Variants in TYW1B observed in about 807,000 individuals in gnomAD.
The protein encoded by TYW1B is tRNA-yW synthesizing protein 1 homolog B.
In TYW1B, 73 loss-of-function variants were observed where a neutral mutation model predicts 86.9. The observed-to-expected ratio is 0.84, with a 90% CI of 0.70 to 1.02. The LOEUF (loss-of-function observed/expected upper bound fraction) is 1.02. TYW1B is among the 50% of genes least tolerant of loss of function. TYW1B has a pLI of 0.00. For synonymous variants in TYW1B, 248 were observed against 292.8 expected (o/e 0.85, Z 1.56); for missense variants, 637 against 827.4 (o/e 0.77, Z 2.82).
At chr7:72,632,285 G>GTATATATATATATATATATATTATA (rs1239640717) in intron 11 of TYW1B, among the ~76,000 whole-genome samples, 3,713 of 83,322 alleles carry the variant, frequency 0.045, 357 homozygotes, top group African/African-American at 0.13. Context: ...ATATATACGT[G>GTATATATATATATATATATATTATA]TATATATATA....
rs370775946 is a variant in TYW1B, at chr7:72,791,901, C to T, written c.846+10499G>A. ...ATAAAAGCTTTCAGGGAGCTCTGTGCGTTTTTCTAGCAAATTATCAACCTG... is the reference window on the plus strand; with the variant it reads ...ATAAAAGCTTTCAGGGAGCTCTGTGTGTTTTTCTAGCAAATTATCAACCTG... On this transcript the variant is annotated intron_variant, in intron 6 of 13. Coordinates refer to ENST00000620995, the MANE Select transcript of TYW1B (RefSeq NM_001145440.3). Among the ~76,000 whole-genome samples the T allele has an allele frequency of 4.1e-4, 63 of 152,276 alleles. No homozygotes were observed. In the South Asian group the frequency reaches 0.013, roughly 31 times the overall value.
In TYW1B at chr7:72,631,250, C is replaced by T. The variant is rs370922479; in HGVS notation, c.1507-2253G>A. 1.6e-4 allele frequency among the ~76,000 whole-genome samples: 25 copies of T among 152,172 alleles called. 1 individual carries two copies. In the East Asian group the frequency reaches 2.7e-3, roughly 16 times the overall value. On this transcript the variant is annotated intron_variant, in intron 11 of 13. Transcript: ENST00000620995. ...TAGAGGGGCCGGACGTGGTGGCTCA[C>T]GCCTGTAATCCCAGCACTTTGGGAG... is the stretch of plus-strand genomic sequence containing the variant.
rs538911198 is a variant in TYW1B, at chr7:72,589,349, T to C, written c.1786-13630A>G. Among the ~76,000 whole-genome samples the C allele has an allele frequency of 2.6e-4, 39 of 152,244 alleles. 1 individual carries two copies. The highest frequency in any genetic ancestry group is 2.1e-4 in the Non-Finnish European group (14 of 68,004). On this transcript the variant is annotated intron_variant, in intron 13 of 13. Transcript: ENST00000620995. ...GACACTAGAAGATAATGAAATAATT[T>C]TGTGGGAAGGCAATAGAGGAATATC...
chr7:72,753,117 TA>T (rs782534936), intron 7 of TYW1B, among the ~76,000 whole-genome samples: 1,876 of 145,878 alleles, frequency 0.013, 16 homozygotes, highest in Non-Finnish European at 0.02. Flanking sequence ...CTTGGTTGAT[TA>T]AAAAAAAAAA....
intron 6 of TYW1B, among the ~76,000 whole-genome samples, chr7:72,784,457 T>C (rs1248486715): frequency 2.6e-5 from 4 of 152,186 alleles, no homozygotes; most frequent in South Asian, 2.1e-4. Flanking sequence ...ACTGTGAGGA[T>C]TGAGTGAGAT....
chr7:72,815,657 A>T (rs1186951817), intron 2 of TYW1B, among the ~76,000 whole-genome samples, 176 bp from the exon 3 acceptor site: 1 of 152,168 alleles, frequency 6.6e-6, no homozygotes, highest in Non-Finnish European at 1.5e-5. Context: ...TACCGAGATC[A>T]TTCAATTGTG....
chr7:72,759,381 C>G (rs1225119536), intron 7 of TYW1B, among the ~76,000 whole-genome samples: 2 of 152,158 alleles, frequency 1.3e-5, no homozygotes, highest in African/African-American at 4.8e-5. Flanking sequence ...TCTGAAACAA[C>G]AGTCTGAATT....
chr7:72,783,033 A>G (rs1477167442), intron 6 of TYW1B, among the ~76,000 whole-genome samples: 2 of 152,214 alleles, frequency 1.3e-5, no homozygotes, highest in African/African-American at 4.8e-5. Context: ...ACTATCAGAC[A>G]GCTATTTCTA....
intron 13 of TYW1B, among the ~76,000 whole-genome samples, chr7:72,585,390 C>T (rs1196484582): frequency 3.9e-5 from 6 of 152,176 alleles, no homozygotes; most frequent in African/African-American, 1.4e-4. Context: ...TTAGCATCAA[C>T]ATTGGAGGTG....
intron 11 of TYW1B, among the ~76,000 whole-genome samples, chr7:72,683,033 G>C (rs35047141): frequency 6.6e-6 from 1 of 152,226 alleles, no homozygotes; most frequent in Non-Finnish European, 1.5e-5. Context: ...TCAGAGCATT[G>C]TGTTGATAAC....
chr7:72,681,069 C>T (rs1318208344), intron 11 of TYW1B, among the ~76,000 whole-genome samples: 1 of 152,134 alleles, frequency 6.6e-6, no homozygotes, highest in African/African-American at 2.4e-5. Context: ...CCCCATTTCA[C>T]AGGTGAGAAA....
chr7:72,806,874 A>T (rs1164592194), intron 5 of TYW1B, among the ~76,000 whole-genome samples, 192 bp downstream of exon 5: 2 of 152,008 alleles, frequency 1.3e-5, no homozygotes, highest in Admixed American at 1.3e-4. Flanking sequence ...GCTGGTCTTG[A>T]ACTCCTGGAC....
chr7:72,575,799 C>G, intron 13 of TYW1B, 80 bp from the exon 14 acceptor site: 1 of 1,560,164 alleles, frequency 6.4e-7, no homozygotes, highest in Non-Finnish European at 8.6e-7. Context: ...AAATCATGAA[C>G]AAGTCTGATC....
intron 8 of TYW1B, among the ~76,000 whole-genome samples, chr7:72,737,787 CTT>C (rs34001923): frequency 3.6e-5 from 5 of 138,838 alleles, no homozygotes; most frequent in Admixed American, 1.5e-4. Context: ...CATTTTACTT[CTT>C]TTTTTTTTTT....
At chr7:72,735,051 T>C (rs1787174335) in intron 8 of TYW1B, among the ~76,000 whole-genome samples, 1 of 152,108 alleles carries the variant, frequency 6.6e-6, no homozygotes, top group African/African-American at 2.4e-5. Context: ...TGGAGATTCC[T>C]CAAAAAACTA....
chr7:72,766,886 C>T (rs11984335), intron 7 of TYW1B, among the ~76,000 whole-genome samples: 15,695 of 151,996 alleles, frequency 0.1, 1,271 homozygotes, highest in East Asian at 0.33. Flanking sequence ...GAGATCACAC[C>T]GCTGCACTCC....
intron 11 of TYW1B, among the ~76,000 whole-genome samples, chr7:72,664,135 C>T (rs71553261): frequency 0.06 from 9,069 of 152,086 alleles, 570 homozygotes; most frequent in East Asian, 0.33. Flanking sequence ...CCAAGATGAC[C>T]ATCTATTCTC....
At chr7:72,756,318 T>C (rs1554466079) in intron 7 of TYW1B, among the ~76,000 whole-genome samples, 1 of 151,894 alleles carries the variant, frequency 6.6e-6, no homozygotes, top group Non-Finnish European at 1.5e-5. Context: ...CACTGCAACC[T>C]CCGCCTCCCG....
intron 13 of TYW1B, among the ~76,000 whole-genome samples, chr7:72,583,716 G>A (rs1290116957): frequency 3.1e-4 from 47 of 152,184 alleles, no homozygotes; most frequent in Non-Finnish European, 1.0e-4. Context: ...GGACTGGCAG[G>A]CAAACAGTAG....
Sources: allele counts gnomAD v4.1 joint callset (sites outside exome capture counted in the v4.1 genomes callset), GRCh38; gene constraint gnomAD v4.1.1; transcripts MANE v1.5; gene names NCBI Gene and HGNC (gene_info 2026-07-23, HGNC 2026-07-21).